PPFIA2: variants seen among roughly 807,000 people sequenced by gnomAD.
PPFIA2 encodes the protein PPFI scaffold protein A2, also known as liprin-alpha-2.
A neutral mutation model predicts 175.5 loss-of-function variants in PPFIA2; 46 were observed. The ratio of observed to expected loss-of-function variants is 0.26; its 90% CI spans 0.21 to 0.34. The LOEUF is 0.34. Among genes scored for constraint, PPFIA2 ranks in the 10% least tolerant of loss-of-function variants. The pLI is 1.00. For synonymous variants in PPFIA2, 568 were observed against 511.4 expected (o/e 1.11, Z -1.49); for missense variants, 1,179 against 1,506.1 (o/e 0.78, Z 3.60).
At chr12:81,449,490 A>C (rs1188909177) in intron 5 of PPFIA2, among the ~76,000 whole-genome samples, 1 of 144,112 alleles carries the variant, frequency 6.9e-6, no homozygotes, top group South Asian at 2.2e-4. Context: ...ACTTCAGACA[A>C]AAAAAAAAAA....
intron 4 of PPFIA2, among the ~76,000 whole-genome samples, chr12:81,662,774 C>T (rs907769414): frequency 1.3e-5 from 2 of 152,150 alleles, no homozygotes; most frequent in Non-Finnish European, 2.9e-5. Context: ...AACCAATATC[C>T]CTGATGAATC....
At chr12:81,320,295 T>G (rs548736691) in intron 22 of PPFIA2, among the ~76,000 whole-genome samples, 2 of 152,160 alleles carry the variant, frequency 1.3e-5, no homozygotes, top group Admixed American at 6.5e-5. Flanking sequence ...CTATAGAGCT[T>G]AACTTTTATG....
chr12:81,603,825 TAAAA>T (rs60363527), intron 4 of PPFIA2, among the ~76,000 whole-genome samples: 10 of 103,308 alleles, frequency 9.7e-5, no homozygotes, highest in East Asian at 5.8e-4. Flanking sequence ...CTATTCTGAC[TAAAA>T]AAAAAAAAAA....
chr12:81,404,224 G>A (rs1343593116), intron 8 of PPFIA2, among the ~76,000 whole-genome samples: 1 of 152,120 alleles, frequency 6.6e-6, no homozygotes, highest in African/African-American at 2.4e-5. Context: ...ATCTGAAGTT[G>A]TTCATGTCTG....
intron 4 of PPFIA2, among the ~76,000 whole-genome samples, chr12:81,630,368 C>T (rs1017094739): frequency 6.6e-6 from 1 of 152,066 alleles, no homozygotes; most frequent in Non-Finnish European, 1.5e-5. Context: ...ACTTGCCAGG[C>T]CCAAAAGATG....
At chr12:81,312,518 T>G (rs2139177240) in intron 22 of PPFIA2, 1 of 270,034 alleles carries the variant, frequency 3.7e-6, no homozygotes, top group East Asian at 6.8e-5. Context: ...TCAGGCCACT[T>G]CCATGCTATT....
At chr12:81,520,372 T>C (rs142910191) in intron 4 of PPFIA2, among the ~76,000 whole-genome samples, 3 of 152,292 alleles carry the variant, frequency 2.0e-5, no homozygotes, top group South Asian at 2.1e-4. Context: ...TTAAAACTTA[T>C]AAACTGTTTA....
chr12:81,689,657 G>A (rs992878842), intron 3 of PPFIA2, among the ~76,000 whole-genome samples: 1 of 151,786 alleles, frequency 6.6e-6, no homozygotes, highest in Non-Finnish European at 1.5e-5. Context: ...ATCCACTCAA[G>A]CTCCCCCTCC....
rs199563988 is a variant in PPFIA2 at position 81,460,888 on chromosome 12, C to A, written c.304-3022G>T. Among the ~76,000 whole-genome samples, 4 of 152,044 alleles carry A rather than the reference C, an allele frequency of 2.6e-5. No homozygotes were observed. In the East Asian group the frequency reaches 5.8e-4, roughly 22 times the overall value. ...TAAGTACATTGTGCAAAGTTACACA[C>A]CTAGTCCATGATGGAGCTGGGCTTT... is the stretch of plus-strand genomic sequence containing the variant. On this transcript the variant is annotated intron_variant, in intron 4 of 32. Transcript: ENST00000549396.
chr12:81,602,795 A>G (rs1035957137), intron 4 of PPFIA2, among the ~76,000 whole-genome samples: 1 of 151,824 alleles, frequency 6.6e-6, no homozygotes, highest in Non-Finnish European at 1.5e-5. Flanking sequence ...AGAACTCCTT[A>G]ATTGCGGCAC....
intron 24 of PPFIA2, among the ~76,000 whole-genome samples, chr12:81,288,770 G>T (rs2137433624): frequency 6.6e-6 from 1 of 151,646 alleles, no homozygotes; most frequent in Admixed American, 6.6e-5. Context: ...TCCCTTATCT[G>T]AATTTTTGTC....
chr12:81,607,228 G>C (rs886659231), intron 4 of PPFIA2, among the ~76,000 whole-genome samples: 1 of 151,932 alleles, frequency 6.6e-6, no homozygotes, highest in Admixed American at 6.6e-5. Context: ...GTTTGAAGTA[G>C]AGCAGTGTGA....
chr12:81,549,156 C>A (rs970152826), intron 4 of PPFIA2, among the ~76,000 whole-genome samples: 3 of 152,122 alleles, frequency 2.0e-5, no homozygotes, highest in Non-Finnish European at 2.9e-5. Context: ...CTGGGAAGAG[C>A]GTTGGCATGT....
chr12:81,513,593 A>T (rs2062050445), intron 4 of PPFIA2, among the ~76,000 whole-genome samples: 2 of 152,012 alleles, frequency 1.3e-5, no homozygotes, highest in African/African-American at 4.8e-5. Flanking sequence ...GTTCACATGT[A>T]CCTTTCATCC....
intron 4 of PPFIA2, among the ~76,000 whole-genome samples, chr12:81,563,956 CA>C (rs2070752021): frequency 6.6e-6 from 1 of 151,898 alleles, no homozygotes; most frequent in African/African-American, 2.4e-5. Flanking sequence ...GAGTCACTTA[CA>C]AAAAACCTTT....
At chr12:81,561,655 T>C (rs1318383860) in intron 4 of PPFIA2, among the ~76,000 whole-genome samples, 2 of 152,232 alleles carry the variant, frequency 1.3e-5, no homozygotes, top group African/African-American at 2.4e-5. Flanking sequence ...GGGGTAATTT[T>C]ACAAATCACT....
At chr12:81,634,062 C>T (rs976332484) in intron 4 of PPFIA2, among the ~76,000 whole-genome samples, 1 of 151,960 alleles carries the variant, frequency 6.6e-6, no homozygotes, top group South Asian at 2.1e-4. Flanking sequence ...TTAATTTTTT[C>T]CAGTAATGCA....
At chr12:81,467,667 T>C (rs965227948) in intron 4 of PPFIA2, among the ~76,000 whole-genome samples, 1 of 152,252 alleles carries the variant, frequency 6.6e-6, no homozygotes, top group Non-Finnish European at 1.5e-5. Flanking sequence ...TGATTGCATC[T>C]ATTATCACTA....
chr12:81,295,114 T>C (rs2046137467), intron 23 of PPFIA2, 79 bp from the exon 24 acceptor site: 1 of 1,342,218 alleles, frequency 7.5e-7, no homozygotes, highest in Non-Finnish European at 1.0e-6. Flanking sequence ...GGAATTATTT[T>C]ATGTATCTTA....
Sources: gnomAD v4.1 joint callset for allele counts (sites outside exome capture counted in the v4.1 genomes callset) on GRCh38, gnomAD v4.1.1 for gene constraint, MANE v1.5 for transcripts, NCBI Gene and HGNC (gene_info 2026-07-23, HGNC 2026-07-21) for gene names.